The following TMEM120B variants were observed in gnomAD, a reference collection of about 807,000 sequenced individuals.
TMEM120B encodes transmembrane protein 120B.
In TMEM120B, 31 loss-of-function variants were observed where a neutral mutation model predicts 55.5. That is an observed-to-expected ratio of 0.56 (90% CI 0.42 to 0.75). TMEM120B has a LOEUF of 0.75. Among genes scored for constraint, TMEM120B ranks in the 30% least tolerant of loss-of-function variants. The pLI is 0.00. For synonymous variants in TMEM120B, 203 were observed against 176.3 expected (o/e 1.15, Z -1.20); for missense variants, 399 against 425.5 (o/e 0.94, Z 0.55).
Position 121,775,181 on chromosome 12 carries a change from G to A in TMEM120B, c.906+51G>A. 1.4e-6 allele frequency: 2 copies of A among 1,449,842 alleles called. No homozygotes were observed. The highest frequency in any genetic ancestry group is 1.2e-5 in the South Asian group (1 of 85,000). The allele number at this position is 1,449,842 out of a possible 1,614,324, so 89.8% of individuals were successfully genotyped here. A position where few individuals can be genotyped will look rare whatever the true frequency, so the allele number is the denominator to read the frequency against. ...GGGAGGTTCCCGGGAGGGCTGGGGT[G>A]GCAGGGATGGGGTGTATGTGTGGCA... is the stretch of plus-strand genomic sequence containing the variant. On this transcript the variant is annotated intron_variant, in intron 11 of 11. Coordinates refer to ENST00000449592, the MANE Select transcript of TMEM120B (RefSeq NM_001080825.2). The surrounding 1 kb of genome is among the most constrained non-coding windows in gnomAD (Gnocchi z 4.3).
chr12:121,753,116 GGA>G (rs1189233164), intron 5 of TMEM120B, among the ~76,000 whole-genome samples: 3 of 127,538 alleles, frequency 2.4e-5, no homozygotes, highest in African/African-American at 3.8e-5. Flanking sequence ...TGAACAAAAG[GGA>G]GAGAGAAATG....
At chr12:121,760,995 T>A (rs558738703) in intron 5 of TMEM120B, among the ~76,000 whole-genome samples, 1 of 152,146 alleles carries the variant, frequency 6.6e-6, no homozygotes, top group South Asian at 2.1e-4. Context: ...TTGTTTTTTT[T>A]TGGGACAGAG....
intron 1 of TMEM120B, among the ~76,000 whole-genome samples, chr12:121,719,717 G>A (rs767578933): frequency 6.6e-6 from 1 of 151,782 alleles, no homozygotes; most frequent in Admixed American, 6.6e-5. Flanking sequence ...TTTTTGAGAC[G>A]GAGTTTTGCT....
At chr12:121,748,247 A>G in intron 2 of TMEM120B, 79 bp from the exon 3 acceptor site, 1 of 1,056,964 alleles carries the variant, frequency 9.5e-7, no homozygotes, top group East Asian at 2.6e-5. Context: ...AGAAGGTGGG[A>G]GGCTGGGGCC....
At chr12:121,743,395 CA>C (rs370948514) in intron 1 of TMEM120B, among the ~76,000 whole-genome samples, 227 of 140,750 alleles carry the variant, frequency 1.6e-3, no homozygotes, top group Middle Eastern at 3.7e-3. Context: ...CTAAAAATAC[CA>C]AAAAAAAAAA....
intron 1 of TMEM120B, among the ~76,000 whole-genome samples, chr12:121,742,779 T>C (rs529947310): frequency 3.3e-5 from 5 of 152,192 alleles, no homozygotes; most frequent in Admixed American, 2.6e-4. Flanking sequence ...GGTTTTGCCA[T>C]GTTGGCCAGG....
At chr12:121,743,038 G>A (rs79213708) in intron 1 of TMEM120B, among the ~76,000 whole-genome samples, 20,590 of 152,140 alleles carry the variant, frequency 0.14, 1,578 homozygotes, top group Admixed American at 0.23. Flanking sequence ...ACTGTTTTCT[G>A]TTCCCCCAGC....
intron 2 of TMEM120B, among the ~76,000 whole-genome samples, chr12:121,744,052 C>CTT (rs535863726): frequency 2.5e-4 from 35 of 138,022 alleles, no homozygotes; most frequent in Admixed American, 9.5e-4. Context: ...GAGTGTCTCT[C>CTT]TTTTTTTTTT....
intron 1 of TMEM120B, among the ~76,000 whole-genome samples, chr12:121,719,663 G>C (rs1430151351): frequency 6.6e-6 from 1 of 152,040 alleles, no homozygotes; most frequent in Non-Finnish European, 1.5e-5. Flanking sequence ...GTAGTTTAAG[G>C]GGGTGGTTCA....
chr12:121,721,576 ATTC>A (rs935682195), intron 1 of TMEM120B, among the ~76,000 whole-genome samples: 2 of 151,334 alleles, frequency 1.3e-5, no homozygotes, highest in African/African-American at 4.9e-5. Flanking sequence ...GTTTCAAGCA[ATTC>A]TTCTGCCTCA....
chr12:121,733,092 G>T (rs1895034657), intron 1 of TMEM120B, among the ~76,000 whole-genome samples: 1 of 152,088 alleles, frequency 6.6e-6, no homozygotes, highest in Non-Finnish European at 1.5e-5. Context: ...GCCCAGAGAG[G>T]CCGTGCAAGG....
Position 121,779,510 on chromosome 12 carries a change from G to T in TMEM120B, c.*3788G>T. On this transcript the variant is annotated 3_prime_UTR_variant, in exon 12 of 12. Coordinates refer to ENST00000449592, the MANE Select transcript of TMEM120B (RefSeq NM_001080825.2). ...TGTCTGCCCTGGGTCAGAGCAGCAG[G>T]CAGAGCCGGCGCTTCTTCTGCCGTT... is the stretch of plus-strand genomic sequence containing the variant. 3.1e-6 allele frequency: 5 copies of T among 1,612,136 alleles called. No homozygotes were observed. Among genetic ancestry groups the T allele is most frequent in the Non-Finnish European group, 4.2e-6 (5 of 1,180,006 alleles).
intron 2 of TMEM120B, among the ~76,000 whole-genome samples, chr12:121,746,621 T>G (rs1566515049): frequency 6.6e-6 from 1 of 152,142 alleles, no homozygotes; most frequent in Non-Finnish European, 1.5e-5. Flanking sequence ...GCGTATGTGC[T>G]GGGACTATAA....
chr12:121,757,221 G>C (rs1373647920), intron 5 of TMEM120B, among the ~76,000 whole-genome samples: 2 of 151,950 alleles, frequency 1.3e-5, no homozygotes, highest in African/African-American at 4.8e-5. Context: ...GAGTACAGTG[G>C]TGTGATCTCA....
At chr12:121,746,450 G>A (rs1488329531) in intron 2 of TMEM120B, among the ~76,000 whole-genome samples, 3 of 152,004 alleles carry the variant, frequency 2.0e-5, no homozygotes, top group East Asian at 1.9e-4. Context: ...GCCTCCCAAC[G>A]TATTGGGATT....
In TMEM120B at chr12:121,779,446, ACCTGGGCC is replaced by A. The variant is rs1441000160; in HGVS notation, c.*3727_*3734del. On this transcript the variant is annotated 3_prime_UTR_variant, in exon 12 of 12. Transcript: ENST00000449592. The stretch of plus-strand genomic sequence containing the variant: ...GGGCAGCCTCCCTGGTGCAATCGGC[ACCTGGGCC>A]CCCGGGCCCTGTCAGTGCTGTCGTG... The A allele has an allele frequency of 6.3e-6, 10 of 1,589,116 alleles. No individual in the cohort carries two copies. Among genetic ancestry groups the A allele is most frequent in the Non-Finnish European group, 7.7e-6 (9 of 1,169,216 alleles).
At chr12:121,725,709 G>C (rs1162316343) in intron 1 of TMEM120B, among the ~76,000 whole-genome samples, 1 of 152,118 alleles carries the variant, frequency 6.6e-6, no homozygotes, top group Non-Finnish European at 1.5e-5. Flanking sequence ...CCCATGCTGT[G>C]TGATTCCATT....
At chr12:121,724,670 G>A (rs141078038) in intron 1 of TMEM120B, among the ~76,000 whole-genome samples, 28 of 150,324 alleles carry the variant, frequency 1.9e-4, no homozygotes, top group African/African-American at 4.4e-4. Context: ...GAATGCAGTC[G>A]CGCAATCTCG....
At chr12:121,759,937 C>G (rs1465344250) in intron 5 of TMEM120B, among the ~76,000 whole-genome samples, 1 of 151,914 alleles carries the variant, frequency 6.6e-6, no homozygotes, top group African/African-American at 2.4e-5. Context: ...TCGAGACCAT[C>G]CTGACCAACA....
Sources: gnomAD v4.1 joint callset for allele counts (sites outside exome capture counted in the v4.1 genomes callset) on GRCh38, gnomAD v4.1.1 for gene constraint, Gnocchi (gnomAD v3.1) non-coding constraint, MANE v1.5 for transcripts, NCBI Gene and HGNC (gene_info 2026-07-23, HGNC 2026-07-21) for gene names.